Variants in ADH1C observed in about 807,000 individuals in gnomAD.
ADH1C encodes alcohol dehydrogenase 1C.
Under a neutral mutation model 35.0 loss-of-function variants are expected in ADH1C, and 26 were observed. That is an observed-to-expected ratio of 0.74 (90% CI 0.54 to 1.03). ADH1C has a LOEUF of 1.03. Ranked by LOEUF, ADH1C falls within the 50% of genes least tolerant of loss-of-function variation. The pLI is 0.00. For synonymous variants in ADH1C, 170 were observed against 169.3 expected (o/e 1.00, Z -0.03); for missense variants, 413 against 465.4 (o/e 0.89, Z 1.04).
At chr4:99,337,905 A>G (rs1450872871) in intron 8 of ADH1C, among the ~76,000 whole-genome samples, 1 of 152,054 alleles carries the variant, frequency 6.6e-6, no homozygotes, top group Non-Finnish European at 1.5e-5. Context: ...TTATTAAATC[A>G]TATTCTTAAT....
intron 6 of ADH1C, among the ~76,000 whole-genome samples, chr4:99,342,128 T>C (rs1734430909): frequency 6.6e-6 from 1 of 152,218 alleles, no homozygotes; most frequent in Non-Finnish European, 1.5e-5. Flanking sequence ...ACATGCATTG[T>C]CTCATGCGTT....
Position 99,345,049 on chromosome 4 carries a change from C to A in ADH1C, c.380G>T (p.Gly127Val). 4 of 1,614,170 alleles carry A rather than the reference C, an allele frequency of 2.5e-6. No individual in the cohort carries two copies. The highest frequency in any genetic ancestry group is 3.4e-6 in the Non-Finnish European group (4 of 1,180,026). ...LGNPRGTLQD[G>V]TRRFTCSGKP... ...CCCGCTGCAGGTGAACCTCCTGGTG[C>A]CATCCTGCAGGGTCCCCCGAGGATT... Residue 127 changes from glycine (G) to valine (V), a missense_variant, in exon 5 of 9, where the codon GGC becomes GTC. By Grantham distance (109) the Gly-to-Val change is moderately radical. Coordinates refer to ENST00000515683, the MANE Select transcript of ADH1C (RefSeq NM_000669.5).
chr4:99,347,275 C>T (rs1358404740), intron 2 of ADH1C, 131 bp from the exon 3 acceptor site: 4 of 1,128,224 alleles, frequency 3.5e-6, no homozygotes, highest in Non-Finnish European at 5.0e-6. Flanking sequence ...CCTACTATTC[C>T]CAAATATGAA....
rs79501596 is a variant in ADH1C at position 99,342,845 on chromosome 4, C to T, written c.778G>A (p.Asp260Asn). 57 of 1,613,914 alleles carry T rather than the reference C, an allele frequency of 3.5e-5. No homozygotes were observed. In the Admixed American group the frequency reaches 9.0e-4, roughly 25 times the overall value. ...PIQEVLKEMTDGGVDFSFEVI... is the reference protein window; with the variant it reads ...PIQEVLKEMTNGGVDFSFEVI... ...TCAAACGAAAAATCCACACCTCCAT[C>T]AGTCATTTCCTTTAGCACTTCCTGA... The change falls in exon 6 of 9, where the codon GAT becomes AAT. Residue 260 changes from aspartate to asparagine, a missense_variant. By Grantham distance (23) the Asp-to-Asn change is conservative. Coordinates refer to ENST00000515683, the MANE Select transcript of ADH1C (RefSeq NM_000669.5).
chr4:99,348,446 G>A (rs1174800793), intron 1 of ADH1C, among the ~76,000 whole-genome samples: 1 of 151,656 alleles, frequency 6.6e-6, no homozygotes, highest in Non-Finnish European at 1.5e-5. Context: ...TCCCTACAAA[G>A]GACATGAACT....
rs2241894 is a variant in ADH1C, at chr4:99,344,976, T to C, written c.453A>G (p.Thr151=). Residue 151 remains threonine (T), a synonymous_variant, in exon 5 of 9, where the codon ACA becomes ACG. Coordinates refer to ENST00000515683, the MANE Select transcript of ADH1C (RefSeq NM_000669.5). ...TGGCCACTGCATTCTCATCCACCAC[T>C]GTGTACTGGGAGAAGGTGCTGACGC... ...FVGVSTFSQY[T]VVDENAVAKI... 0.27 allele frequency: 428,367 copies of C among 1,613,916 alleles called. 70,561 individuals carry two copies. Among genetic ancestry groups the C allele is most frequent in the East Asian group, 0.82 (36,569 of 44,846 alleles).
At chr4:99,339,267 T>C (rs1388850788) in intron 8 of ADH1C, among the ~76,000 whole-genome samples, 1 of 152,114 alleles carries the variant, frequency 6.6e-6, no homozygotes, top group Non-Finnish European at 1.5e-5. Context: ...TAAACTTTTT[T>C]TGGAGGGGGA....
At chr4:99,346,720 G>A (rs1427453793) in intron 3 of ADH1C, among the ~76,000 whole-genome samples, 1 of 152,008 alleles carries the variant, frequency 6.6e-6, no homozygotes, top group Non-Finnish European at 1.5e-5. Flanking sequence ...TTCCACACTG[G>A]TAGGCACTGT....
At chr4:99,341,620 G>T (rs369982094) in intron 6 of ADH1C, among the ~76,000 whole-genome samples, 1 of 152,104 alleles carries the variant, frequency 6.6e-6, no homozygotes, top group Non-Finnish European at 1.5e-5. Context: ...TTGATCTCAG[G>T]GTGCTGCTCC....
intron 1 of ADH1C, among the ~76,000 whole-genome samples, chr4:99,349,709 T>C (rs146578270): frequency 1.2e-4 from 19 of 152,336 alleles, no homozygotes; most frequent in African/African-American, 4.3e-4. Context: ...TTTGGCAGCC[T>C]GTTTTGTTCA....
intron 5 of ADH1C, among the ~76,000 whole-genome samples, chr4:99,344,159 T>G (rs1281191909): frequency 1.3e-5 from 2 of 152,226 alleles, no homozygotes; most frequent in Non-Finnish European, 2.9e-5. Flanking sequence ...CAAATATCTT[T>G]ATATCTCTCG....
At chr4:99,344,824 T>C in intron 5 of ADH1C, 38 bp downstream of exon 5, 1 of 1,612,996 alleles carries the variant, frequency 6.2e-7, no homozygotes, top group South Asian at 1.1e-5. Flanking sequence ...CCTGACAGTC[T>C]GCGTGTAACC....
intron 1 of ADH1C, among the ~76,000 whole-genome samples, chr4:99,351,861 T>C (rs963453021): frequency 1.6e-4 from 25 of 152,356 alleles, no homozygotes; most frequent in African/African-American, 5.8e-4. Context: ...AATGACCACA[T>C]GCATTTCTGT....
intron 8 of ADH1C, among the ~76,000 whole-genome samples, chr4:99,337,283 G>A (rs555564809): frequency 6.6e-6 from 1 of 152,022 alleles, no homozygotes; most frequent in East Asian, 1.9e-4. Flanking sequence ...CTAGTATAGG[G>A]TGTTGGGATT....
In ADH1C at chr4:99,345,219, T is replaced by G; in HGVS notation, c.307A>C (p.Ile103Leu). ...TAGTTGCTTTCTGGGTTTTTACAAA[T>G]TCTGCATTTTCCACACTGAGGAGTA... is the stretch of plus-strand genomic sequence containing the variant. The part of the protein sequence containing the change: ...LFTPQCGKCR[I>L]CKNPESNYCL... Residue 103 changes from isoleucine (I) to leucine (L), a missense_variant, in exon 4 of 9, where the codon ATT (isoleucine) becomes CTT (leucine). Coordinates refer to ENST00000515683, the MANE Select transcript of ADH1C (RefSeq NM_000669.5). 6.2e-7 allele frequency: 1 copy of G among 1,614,100 alleles called. No homozygotes were observed. Among genetic ancestry groups the G allele is most frequent in the Non-Finnish European group, 8.5e-7 (1 of 1,179,956 alleles).
intron 1 of ADH1C, among the ~76,000 whole-genome samples, chr4:99,348,935 G>C (rs1456034955): frequency 6.7e-6 from 1 of 148,714 alleles, no homozygotes; most frequent in East Asian, 2.0e-4. Flanking sequence ...CTTTTGAGAA[G>C]TGTCTGTTCA....
Position 99,352,743 on chromosome 4 carries a change from G to T in ADH1C, c.-68C>A, listed in dbSNP as rs1734708201. 3 of 1,500,084 alleles carry T rather than the reference G, an allele frequency of 2.0e-6. No homozygotes were observed. The highest frequency in any genetic ancestry group is 1.7e-5 in the Admixed American group (1 of 59,510). 92.9% of individuals were successfully genotyped at this position (1,500,084 alleles called of 1,614,324 possible). ...TTGTGGATTTCTTCTCTGCTTGAGTGCATAAAGCAGGTATGTTGCACAGGT... is the reference window on the plus strand; with the variant it reads ...TTGTGGATTTCTTCTCTGCTTGAGTTCATAAAGCAGGTATGTTGCACAGGT... On this transcript the variant is annotated 5_prime_UTR_variant, in exon 1 of 9. Coordinates refer to ENST00000515683, the MANE Select transcript of ADH1C (RefSeq NM_000669.5).
rs374241840 is a variant in ADH1C, at chr4:99,347,082, G to C, written c.183C>G (p.Pro61=). Residue 61 remains proline (P), a synonymous_variant, in exon 3 of 9, where the codon CCC becomes CCG. Transcript: ENST00000515683. ...EHVVSGNLVT[P]LPVILGHEAA... The stretch of plus-strand genomic sequence containing the variant: ...CCTCATGGCCTAAAATCACAGGAAG[G>C]GGGGTCACCAGGTTGCCACTAACCA... 2.5e-4 allele frequency: 409 copies of C among 1,613,988 alleles called. No homozygotes were observed. The highest frequency in any genetic ancestry group is 3.2e-4 in the Non-Finnish European group (381 of 1,180,022).
At position 99,345,163 on chromosome 4, in the gene ADH1C, A is replaced by G. The variant is rs756812159; in HGVS notation, c.347+16T>C. On this transcript the variant is annotated intron_variant, in intron 4 of 8. Transcript: ENST00000515683. ...GCAAACTCAAAGTCTGTGCAAAGAA[A>G]GCATCAGAAACTTACTCATTTTTCA... The G allele has an allele frequency of 3.7e-6, 6 of 1,613,788 alleles. No individual in the cohort carries two copies. The Admixed American group carries it at 8.3e-5, about 22-fold the overall frequency.
Sources: gnomAD v4.1 joint callset for allele counts (sites outside exome capture counted in the v4.1 genomes callset) on GRCh38, gnomAD v4.1.1 for gene constraint, MANE v1.5 for transcripts, NCBI Gene and HGNC (gene_info 2026-07-23, HGNC 2026-07-21) for gene names.